Variants in CAB39 observed in about 807,000 individuals in gnomAD.
The protein encoded by CAB39 is calcium binding protein 39, also known as calcium-binding protein 39.
Under a neutral mutation model 40.0 loss-of-function variants are expected in CAB39, and 8 were observed. The observed-to-expected ratio is 0.20, with a 90% confidence interval of 0.12 to 0.36. CAB39 has a LOEUF of 0.36. Ranked by LOEUF, CAB39 falls within the 10% of genes least tolerant of loss-of-function variation. The pLI is 1.00. For missense variants in CAB39, 270 were observed against 401.1 expected, an observed-to-expected ratio of 0.67 and a Z score of 2.79; for synonymous variants, 156 against 141.6, an observed-to-expected ratio of 1.10 and a Z score of -0.72.
chr2:230,784,328 A>G (rs1023977919), intron 2 of CAB39, among the ~76,000 whole-genome samples: 1 of 152,184 alleles, frequency 6.6e-6, no homozygotes, highest in African/African-American at 2.4e-5. Flanking sequence ...ACCTTGAGAC[A>G]TTACGAGTGG....
intron 1 of CAB39, 183 bp downstream of exon 1, chr2:230,713,413 G>T (rs1694287747): frequency 6.6e-6 from 1 of 152,228 alleles, no homozygotes; most frequent in Non-Finnish European, 1.5e-5. Context: ...CGCCCGGCTC[G>T]GCTCCGGTCC....
At chr2:230,728,732 C>T (rs1258824371) in intron 1 of CAB39, among the ~76,000 whole-genome samples, 1 of 152,194 alleles carries the variant, frequency 6.6e-6, no homozygotes, top group African/African-American at 2.4e-5. Context: ...GCCTTGGCCT[C>T]CTGAGTAGCT....
At chr2:230,765,204 T>A (rs1695364492) in intron 2 of CAB39, among the ~76,000 whole-genome samples, 1 of 152,186 alleles carries the variant, frequency 6.6e-6, no homozygotes. Context: ...TTGGCCAGGA[T>A]GGTCTCGATC....
At chr2:230,772,278 A>C (rs1695494983) in intron 2 of CAB39, among the ~76,000 whole-genome samples, 1 of 152,232 alleles carries the variant, frequency 6.6e-6, no homozygotes, top group African/African-American at 2.4e-5. Context: ...TCACCAAAGG[A>C]GATAGGCAGA....
At chr2:230,748,425 C>A (rs186565910) in intron 1 of CAB39, among the ~76,000 whole-genome samples, 1 of 152,112 alleles carries the variant, frequency 6.6e-6, no homozygotes, top group East Asian at 1.9e-4. Flanking sequence ...AGTTAGCCTG[C>A]GTATCCTCTA....
chr2:230,713,440 C>G (rs1421429225), intron 1 of CAB39: 2 of 152,368 alleles, frequency 1.3e-5, no homozygotes, highest in Non-Finnish European at 2.9e-5. Flanking sequence ...GAGACGCTCC[C>G]TTTGCCTTCG....
chr2:230,810,025 A>AT (rs1454696476), intron 5 of CAB39, among the ~76,000 whole-genome samples: 3 of 151,858 alleles, frequency 2.0e-5, no homozygotes, highest in Non-Finnish European at 2.9e-5. Context: ...TGCCTTTATC[A>AT]TTTTTTCTAA....
At chr2:230,795,658 T>A (rs1163855469) in intron 4 of CAB39, among the ~76,000 whole-genome samples, 5 of 152,218 alleles carry the variant, frequency 3.3e-5, no homozygotes, top group Non-Finnish European at 5.9e-5. Context: ...CATTACAAAA[T>A]TCTCATTGAC....
At chr2:230,743,235 A>G (rs1347318261) in intron 1 of CAB39, among the ~76,000 whole-genome samples, 1 of 152,218 alleles carries the variant, frequency 6.6e-6, no homozygotes, top group Non-Finnish European at 1.5e-5. Context: ...TATGACTTCC[A>G]CAGACAACTA....
At chr2:230,748,829 A>ATATATATATATATATATAT (rs1262628500) in intron 1 of CAB39, among the ~76,000 whole-genome samples, 2 of 46,420 alleles carry the variant, frequency 4.3e-5, no homozygotes, top group Non-Finnish European at 7.8e-5. Flanking sequence ...AAAAAAAAAA[A>ATATATATATATATATATAT]AAATATATAT....
chr2:230,815,878 A>G (rs1029640870), intron 7 of CAB39, among the ~76,000 whole-genome samples: 5 of 151,830 alleles, frequency 3.3e-5, no homozygotes, highest in Non-Finnish European at 5.9e-5. Context: ...TTTAATTTGT[A>G]CTCTCTTTTT....
At chr2:230,795,843 A>T (rs765165049) in intron 4 of CAB39, among the ~76,000 whole-genome samples, 6 of 149,508 alleles carry the variant, frequency 4.0e-5, no homozygotes, top group Non-Finnish European at 8.9e-5. Flanking sequence ...ATAATCAGGT[A>T]TTTTTTTTTT....
chr2:230,726,012 ATGTC>A (rs1694563552), intron 1 of CAB39, among the ~76,000 whole-genome samples: 1 of 152,192 alleles, frequency 6.6e-6, no homozygotes, highest in Non-Finnish European at 1.5e-5. Context: ...ATTCTATTAA[ATGTC>A]TGAGATAAGG....
intron 4 of CAB39, among the ~76,000 whole-genome samples, chr2:230,795,282 A>AC (rs1695964120): frequency 6.6e-6 from 1 of 151,948 alleles, no homozygotes; most frequent in East Asian, 1.9e-4. Flanking sequence ...TTTCCAAAAA[A>AC]AAAAAAAAGT....
chr2:230,770,303 A>AC (rs1248277056), intron 2 of CAB39, among the ~76,000 whole-genome samples: 1 of 152,212 alleles, frequency 6.6e-6, no homozygotes, highest in Non-Finnish European at 1.5e-5. Flanking sequence ...TGACATTACC[A>AC]CAGATTGTAC....
At chr2:230,752,037 C>CG (rs1695096066) in intron 1 of CAB39, 3 of 93,784 alleles carry the variant, frequency 3.2e-5, no homozygotes, top group Non-Finnish European at 7.5e-5. Flanking sequence ...CCACCCCCCC[C>CG]CCCCCCACAT....
chr2:230,733,328 A>T lies in CAB39; in HGVS notation c.-44+20098A>T, dbSNP rs73111549. ...CCCCTCCTCTCATTTTTTTGGTGTT[A>T]AAGATGTAAGGCTGTCGTATCAGGT... On this transcript the variant is annotated intron_variant, in intron 1 of 8. Coordinates refer to ENST00000258418, the MANE Select transcript of CAB39 (RefSeq NM_016289.4). Among the ~76,000 whole-genome samples, 1,071 of 151,854 alleles carry T rather than the reference A, an allele frequency of 7.1e-3. 9 individuals are homozygous for T. The highest frequency in any genetic ancestry group is 0.024 in the African/African-American group (1,010 of 41,404).
intron 2 of CAB39, among the ~76,000 whole-genome samples, chr2:230,775,509 C>T (rs1370799417): frequency 6.6e-6 from 1 of 152,166 alleles, no homozygotes; most frequent in East Asian, 1.9e-4. Context: ...GCTGGGATTA[C>T]AGGCATGAAC....
At chr2:230,812,263 G>A (rs1332052501) in intron 6 of CAB39, among the ~76,000 whole-genome samples, 1 of 152,196 alleles carries the variant, frequency 6.6e-6, no homozygotes, top group African/African-American at 2.4e-5. Context: ...GTATCATGTA[G>A]TGGACAGTCA....
Sources: allele counts gnomAD v4.1 joint callset (sites outside exome capture counted in the v4.1 genomes callset), GRCh38; gene constraint gnomAD v4.1.1; transcripts MANE v1.5; gene names NCBI Gene and HGNC (gene_info 2026-07-23, HGNC 2026-07-21).